Variants in GAA observed in about 807,000 individuals in gnomAD.
The protein encoded by GAA is alpha glucosidase.
In GAA, 88 loss-of-function variants were observed where a neutral mutation model predicts 103.9. The ratio of observed to expected loss-of-function variants is 0.85; its 90% CI spans 0.71 to 1.01. The LOEUF is 1.01. Among genes scored for constraint, GAA ranks in the 50% least tolerant of loss-of-function variants. GAA has a pLI of 0.00. For missense variants in GAA, 1,350 were observed against 1,305.3 expected (o/e 1.03, Z -0.53); for synonymous variants, 572 against 563.1 (o/e 1.02, Z -0.22).
chr17:80,118,041 C>A, intron 17 of GAA, 152 bp from the exon 18 acceptor site: 1 of 926,064 alleles, frequency 1.1e-6, no homozygotes, highest in Non-Finnish European at 1.6e-6. Flanking sequence ...TGGGTCATCA[C>A]CACGGGGTTC....
In GAA at chr17:80,111,973, C is replaced by G; in HGVS notation, c.1637-10C>G. On this transcript the variant is annotated splice_polypyrimidine_tract_variant and intron_variant, in intron 11 of 19. Transcript: ENST00000302262. Reference sequence around the variant, plus strand: ...GAAGCTCCCTGGAAACCAGCCCCCGCCTCTTCCAGGGGTGGTTGGGGGGAC... The same window carrying G: ...GAAGCTCCCTGGAAACCAGCCCCCGGCTCTTCCAGGGGTGGTTGGGGGGAC... 6.2e-7 allele frequency: 1 copy of G among 1,611,160 alleles called. No individual in the cohort carries two copies. The highest frequency in any genetic ancestry group is 8.5e-7 in the Non-Finnish European group (1 of 1,178,226).
chr17:80,108,852 C>T lies in GAA; in HGVS notation c.1326+24C>T, dbSNP rs536773178. On this transcript the variant is annotated intron_variant, in intron 8 of 19. Coordinates refer to ENST00000302262, the MANE Select transcript of GAA (RefSeq NM_000152.5). ...TGGTGTGTGCCCCCACACTGTGGGT[C>T]TTTGGGAAGGGGGCCGCCCGGTGCC... 7 of 1,571,168 alleles carry T rather than the reference C, an allele frequency of 4.5e-6. No homozygotes were observed. The Admixed American group carries it at 5.5e-5, about 12-fold the overall frequency.
chr17:80,103,039 G>T (rs1212741479), intron 1 of GAA, among the ~76,000 whole-genome samples: 3 of 152,228 alleles, frequency 2.0e-5, no homozygotes, highest in Non-Finnish European at 4.4e-5. Context: ...AGCCCAGAGA[G>T]CCCTAATTTA....
intron 3 of GAA, 139 bp from the exon 4 acceptor site, chr17:80,107,418 C>A: frequency 8.9e-7 from 1 of 1,121,456 alleles, no homozygotes; most frequent in Non-Finnish European, 1.3e-6. Context: ...GGCCGCCTGT[C>A]CCAGGGTCAG....
intron 18 of GAA, 45 bp from the exon 19 acceptor site, chr17:80,118,608 C>T: frequency 6.2e-7 from 1 of 1,606,880 alleles, no homozygotes; most frequent in Non-Finnish European, 8.5e-7. Context: ...TGTCTGCTGA[C>T]ACCTCCACAT....
chr17:80,114,449 C>T (rs1389464145), intron 15 of GAA, among the ~76,000 whole-genome samples: 1 of 147,540 alleles, frequency 6.8e-6, no homozygotes, highest in Admixed American at 6.7e-5. Context: ...AGTGGTTGCC[C>T]TAGGGATTAC....
chr17:80,104,067 C>T lies in GAA; in HGVS notation c.-32-488C>T, dbSNP rs1385778935. Among the ~76,000 whole-genome samples, 1 of 152,142 alleles carries T rather than the reference C, an allele frequency of 6.6e-6. No homozygotes were observed. The highest frequency in any genetic ancestry group is 1.5e-5 in the Non-Finnish European group (1 of 68,028). On this transcript the variant is annotated intron_variant, in intron 1 of 19. Coordinates refer to ENST00000302262, the MANE Select transcript of GAA (RefSeq NM_000152.5). The surrounding 1 kb of genome is among the most constrained non-coding windows in gnomAD (Gnocchi z 4.0). ...TCACTTGAGCTCAGGAGTTCGAGAC[C>T]AGCCTGGGTAACATGGCAAAATCCC...
rs537508609 is a variant in GAA, at chr17:80,116,848, C to T, written c.2190-120C>T. On this transcript the variant is annotated intron_variant, in intron 15 of 19. Transcript: ENST00000302262. ...TCTGACCTGAGTCCTCCAAGTCCTCCGGCACCTTGAGCTCCAGAGAGCAGA... is the reference window on the plus strand; with the variant it reads ...TCTGACCTGAGTCCTCCAAGTCCTCTGGCACCTTGAGCTCCAGAGAGCAGA... The T allele has an allele frequency of 4.2e-4, 482 of 1,141,608 alleles. 2 individuals are homozygous for T. Among genetic ancestry groups the T allele is most frequent in the African/African-American group, 4.0e-3 (262 of 65,808 alleles). The allele number at this position is 1,141,608 out of a possible 1,614,324, so 70.7% of individuals were successfully genotyped here.
In GAA at chr17:80,111,996, G is replaced by A. The variant is rs747638133; in HGVS notation, c.1650G>A (p.Gly550=). The change falls in exon 12 of 20, where the codon GGG becomes GGA. Residue 550 remains glycine, a synonymous_variant. Transcript: ENST00000302262. ...NPPYVPGVVG[G]TLQAATICAS... is the part of the protein sequence containing the mutation. ...CGCCTCTTCCAGGGGTGGTTGGGGG[G>A]ACCCTCCAGGCGGCCACCATCTGTG... 1.2e-6 allele frequency: 2 copies of A among 1,613,656 alleles called. No homozygotes were observed. The highest frequency in any genetic ancestry group is 2.2e-5 in the South Asian group (2 of 91,088).
At chr17:80,110,627 A>T in intron 9 of GAA, 100 bp from the exon 10 acceptor site, 1 of 994,298 alleles carries the variant, frequency 1.0e-6, no homozygotes, top group Non-Finnish European at 1.6e-6. Context: ...GCGTCCACTA[A>T]GAGTGAGGCT....
chr17:80,117,694 C>A lies in GAA; in HGVS notation c.2426C>A (p.Ala809Asp), dbSNP rs2039387283. ...GAGGGGCAGTGGGTGACGCTGCCGG[C>A]CCCCCTGGACACCATCAACGTCCAC... Reference protein sequence around the residue: ...HSEGQWVTLPAPLDTINVHLR... With the variant: ...HSEGQWVTLPDPLDTINVHLR... Residue 809 changes from alanine to aspartate, a missense_variant, in exon 17 of 20, where the codon GCC (alanine) becomes GAC (aspartate). Physicochemically the swap from Ala to Asp is moderately radical, Grantham distance 126 (BLOSUM62 -2). Transcript: ENST00000302262. The A allele has an allele frequency of 6.2e-7, 1 of 1,611,962 alleles. No individual in the cohort carries two copies. The highest frequency in any genetic ancestry group is 1.3e-5 in the African/African-American group (1 of 74,904).
chr17:80,110,734 C>T lies in GAA; in HGVS notation c.1445C>T (p.Pro482Leu), dbSNP rs2039212985. The change falls in exon 10 of 20, where the codon CCC becomes CTC. Residue 482 changes from proline to leucine, a missense_variant. Physicochemically the swap from Pro to Leu is moderately conservative, Grantham distance 98 (BLOSUM62 -3). Coordinates refer to ENST00000302262, the MANE Select transcript of GAA (RefSeq NM_000152.5). ...TGQPLIGKVWPGSTAFPDFTN... is the reference protein window; with the variant it reads ...TGQPLIGKVWLGSTAFPDFTN... The stretch of plus-strand genomic sequence containing the variant: ...CAGCCTCTCGTTGTCCAGGTATGGC[C>T]CGGGTCCACTGCCTTCCCCGACTTC... 1 of 1,613,934 alleles carries T rather than the reference C, an allele frequency of 6.2e-7. No homozygotes were observed. The highest frequency in any genetic ancestry group is 8.5e-7 in the Non-Finnish European group (1 of 1,179,992).
rs532624326 is a variant in GAA, at chr17:80,113,246, C to G, written c.2069C>G (p.Pro690Arg). ...LPQEPYSFSE[P>R]AQQAMRKALT... ...CAGGAGCCGTACAGCTTCAGCGAGC[C>G]GGCCCAGCAGGCCATGAGGAAGGCC... The change falls in exon 15 of 20, where the codon CCG becomes CGG. Residue 690 changes from proline to arginine, a missense_variant. Pro to Arg is a moderately radical substitution (Grantham distance 103). Coordinates refer to ENST00000302262, the MANE Select transcript of GAA (RefSeq NM_000152.5). 1.2e-6 allele frequency: 2 copies of G among 1,601,630 alleles called. No individual in the cohort carries two copies. Among genetic ancestry groups the G allele is most frequent in the Non-Finnish European group, 1.7e-6 (2 of 1,174,998 alleles).
At chr17:80,111,838 T>TG (rs1423336451) in intron 11 of GAA, 145 bp from the exon 12 acceptor site, 22 of 662,766 alleles carry the variant, frequency 3.3e-5, no homozygotes, top group Admixed American at 3.3e-4. Context: ...CACAGAGGCG[T>TG]GGGGAGCGGC....
In GAA at chr17:80,110,483, C is replaced by T. The variant is rs556238728; in HGVS notation, c.1438-244C>T. 5.9e-5 allele frequency among the ~76,000 whole-genome samples: 9 copies of T among 152,370 alleles called. No homozygotes were observed. The East Asian group carries it at 1.5e-3, about 26-fold the overall frequency. ...ACGCTCTCTGGTTCTGCAGCCCAGCCCCTGGGTGGACGTGTTGGGGGTGAC... is the reference window on the plus strand; with the variant it reads ...ACGCTCTCTGGTTCTGCAGCCCAGCTCCTGGGTGGACGTGTTGGGGGTGAC... On this transcript the variant is annotated intron_variant, in intron 9 of 19. Transcript: ENST00000302262.
rs111625854 is a variant in GAA at position 80,111,294 on chromosome 17, C to T, written c.1636+269C>T. Among the ~76,000 whole-genome samples, 2,448 of 152,334 alleles carry T rather than the reference C, an allele frequency of 0.016. 85 individuals are homozygous for T. The highest frequency in any genetic ancestry group is 0.057 in the African/African-American group (2,357 of 41,566). On this transcript the variant is annotated intron_variant, in intron 11 of 19. Transcript: ENST00000302262. ...TGAGGCCGACTCGACTCAGAGCCGT[C>T]TCGATAGGCGCAGGGACCATGCAGC...
Position 80,119,283 on chromosome 17 carries a change from C to T in GAA, c.2811C>T (p.Ile937=), listed in dbSNP as rs2039429760. Residue 937 remains isoleucine, a synonymous_variant, in exon 20 of 20, where the codon ATC becomes ATT. Coordinates refer to ENST00000302262, the MANE Select transcript of GAA (RefSeq NM_000152.5). The part of the protein sequence containing the change: ...TYSPDTKVLD[I]CVSLLMGEQF... ...TCTCTCTTTTCCAGGTCCTGGACATCTGTGTCTCGCTGTTGATGGGAGAGC... is the reference window on the plus strand; with the variant it reads ...TCTCTCTTTTCCAGGTCCTGGACATTTGTGTCTCGCTGTTGATGGGAGAGC... The T allele has an allele frequency of 2.5e-6, 4 of 1,614,064 alleles. No individual in the cohort carries two copies. The highest frequency in any genetic ancestry group is 3.4e-6 in the Non-Finnish European group (4 of 1,179,924).
intron 12 of GAA, chr17:80,112,341 C>T: frequency 1.6e-6 from 1 of 640,882 alleles, no homozygotes; most frequent in South Asian, 1.9e-5. Flanking sequence ...GAGTCTGCAT[C>T]AGCGGGGACC....
At chr17:80,109,800 C>T in intron 8 of GAA, 145 bp from the exon 9 acceptor site, 1 of 628,812 alleles carries the variant, frequency 1.6e-6, no homozygotes, top group Non-Finnish European at 2.8e-6. Flanking sequence ...CAGGCGTGTG[C>T]AGGCATGTGC....
Sources: allele counts gnomAD v4.1 joint callset (sites outside exome capture counted in the v4.1 genomes callset), GRCh38; gene constraint gnomAD v4.1.1; non-coding constraint Gnocchi (gnomAD v3.1); transcripts MANE v1.5; gene names NCBI Gene and HGNC (gene_info 2026-07-23, HGNC 2026-07-21).